The following ATXN1 variants were observed in gnomAD, a reference collection of about 807,000 sequenced individuals.
ATXN1 encodes the protein ataxin 1, also known as ataxin-1.
Under a neutral mutation model 56.4 loss-of-function variants are expected in ATXN1, and 8 were observed. That is an observed-to-expected ratio of 0.14 (90% CI 0.08 to 0.26). The LOEUF (loss-of-function observed/expected upper bound fraction) is 0.26. Ranked by LOEUF, ATXN1 falls within the 10% of genes least tolerant of loss-of-function variation. The pLI, the probability that ATXN1 is intolerant of heterozygous loss-of-function variation, is 1.00. For missense variants in ATXN1, 987 were observed against 1,106.5 expected, an observed-to-expected ratio of 0.89 and a Z score of 1.53; for synonymous variants, 514 against 494.6, an observed-to-expected ratio of 1.04 and a Z score of -0.52.
chr6:16,627,666 G>A lies in ATXN1; in HGVS notation c.-489+30110C>T, dbSNP rs1348699100. On this transcript the variant is annotated intron_variant, in intron 3 of 7. Coordinates refer to ENST00000436367, the MANE Select transcript of ATXN1 (RefSeq NM_001128164.2). ...CGCTTGAACCTGGGAGGCAGAGGCTGCAGTGAGCTGAGATCATGCCACTGC... is the reference window on the plus strand; with the variant it reads ...CGCTTGAACCTGGGAGGCAGAGGCTACAGTGAGCTGAGATCATGCCACTGC... Among the ~76,000 whole-genome samples, 4 of 152,160 alleles carry A rather than the reference G, an allele frequency of 2.6e-5. No individual in the cohort carries two copies. The East Asian group carries it at 7.7e-4, about 29-fold the overall frequency.
At chr6:16,589,288 C>T (rs1195610301) in intron 3 of ATXN1, among the ~76,000 whole-genome samples, 2 of 152,058 alleles carry the variant, frequency 1.3e-5, no homozygotes, top group African/African-American at 4.8e-5. Flanking sequence ...ACCTAAGTCC[C>T]TTAAAGGCAA....
At chr6:16,397,170 CAGTG>C (rs1758474337) in intron 6 of ATXN1, among the ~76,000 whole-genome samples, 1 of 152,188 alleles carries the variant, frequency 6.6e-6, no homozygotes, top group Non-Finnish European at 1.5e-5. Context: ...AAATTAGTCA[CAGTG>C]AGAGTATTTA....
At position 16,373,731 on chromosome 6, in the gene ATXN1, GTAAGACA is replaced by G. The variant is rs1265387723; in HGVS notation, c.-160-45268_-160-45262del. Reference sequence around the variant, plus strand: ...CTCATTTTCTCTTGCCTGCTGCCATGTAAGACATGCCTTTTGCCTTCCACCATGATTG... The same window carrying G: ...CTCATTTTCTCTTGCCTGCTGCCATGTGCCTTTTGCCTTCCACCATGATTG... On this transcript the variant is annotated intron_variant, in intron 6 of 7. Coordinates refer to ENST00000436367, the MANE Select transcript of ATXN1 (RefSeq NM_001128164.2). Among the ~76,000 whole-genome samples the G allele has an allele frequency of 6.6e-5, 10 of 152,206 alleles. 1 individual carries two copies. The highest frequency in any genetic ancestry group is 4.4e-5 in the Non-Finnish European group (3 of 68,046).
At chr6:16,702,597 G>A (rs1759310598) in intron 2 of ATXN1, among the ~76,000 whole-genome samples, 1 of 152,106 alleles carries the variant, frequency 6.6e-6, no homozygotes, top group Non-Finnish European at 1.5e-5. Context: ...CGGACAAAGG[G>A]CTAATATCCA....
At chr6:16,622,948 T>A (rs1763344100) in intron 3 of ATXN1, among the ~76,000 whole-genome samples, 1 of 152,170 alleles carries the variant, frequency 6.6e-6, no homozygotes, top group Non-Finnish European at 1.5e-5. Context: ...AAATAATCAT[T>A]CATATTTTGA....
chr6:16,725,630 C>T (rs956796641), intron 2 of ATXN1, among the ~76,000 whole-genome samples: 1 of 152,188 alleles, frequency 6.6e-6, no homozygotes, highest in Non-Finnish European at 1.5e-5. Flanking sequence ...TCAGTAAGGT[C>T]AATAATCACT....
At chr6:16,455,532 T>C (rs1759848648) in intron 6 of ATXN1, among the ~76,000 whole-genome samples, 1 of 152,148 alleles carries the variant, frequency 6.6e-6, no homozygotes, top group Admixed American at 6.5e-5. Context: ...CTAAACATAC[T>C]CTTAACATGC....
At chr6:16,586,350 A>T (rs1762624313) in intron 3 of ATXN1, among the ~76,000 whole-genome samples, 1 of 152,250 alleles carries the variant, frequency 6.6e-6, no homozygotes, top group African/African-American at 2.4e-5. Flanking sequence ...AAAATTATGC[A>T]AATTCAGTGC....
chr6:16,670,587 A>T (rs1249194930), intron 2 of ATXN1, among the ~76,000 whole-genome samples: 1 of 152,196 alleles, frequency 6.6e-6, no homozygotes, highest in Non-Finnish European at 1.5e-5. Flanking sequence ...TACTTGGCTC[A>T]TCTATATTTT....
intron 7 of ATXN1, among the ~76,000 whole-genome samples, chr6:16,325,049 A>C (rs1007691181): frequency 6.6e-6 from 1 of 151,416 alleles, no homozygotes; most frequent in African/African-American, 2.4e-5. Context: ...ATGCAAACTA[A>C]CCAGTCCAGA....
At chr6:16,387,425 C>T (rs1279606969) in intron 6 of ATXN1, among the ~76,000 whole-genome samples, 1 of 152,224 alleles carries the variant, frequency 6.6e-6, no homozygotes, top group East Asian at 1.9e-4. Flanking sequence ...CCATCAGCCA[C>T]TGAGAGGGAG....
At chr6:16,425,276 G>A (rs771422853) in intron 6 of ATXN1, among the ~76,000 whole-genome samples, 7 of 152,200 alleles carry the variant, frequency 4.6e-5, no homozygotes, top group South Asian at 2.1e-4. Flanking sequence ...ACTGTGCCAC[G>A]TTGTTTACCA....
chr6:16,526,032 G>T (rs60753753), intron 4 of ATXN1, among the ~76,000 whole-genome samples: 3 of 103,096 alleles, frequency 2.9e-5, no homozygotes, highest in African/African-American at 1.1e-4. Context: ...CATACATATA[G>T]AAATAAATCT....
intron 2 of ATXN1, among the ~76,000 whole-genome samples, chr6:16,722,032 C>T (rs554401158): frequency 2.6e-5 from 4 of 152,332 alleles, no homozygotes; most frequent in Admixed American, 2.6e-4. Flanking sequence ...CGCAAAGGGG[C>T]ACACTCAGTG....
chr6:16,369,628 T>C (rs777904431), intron 6 of ATXN1, among the ~76,000 whole-genome samples: 1 of 152,210 alleles, frequency 6.6e-6, no homozygotes, highest in Non-Finnish European at 1.5e-5. Context: ...CATTTAAAGA[T>C]GTGCAAAGGG....
intron 4 of ATXN1, among the ~76,000 whole-genome samples, chr6:16,581,705 G>T (rs1762533163): frequency 6.6e-6 from 1 of 152,102 alleles, no homozygotes; most frequent in South Asian, 2.1e-4. Context: ...TGCACAAAAG[G>T]TAGGATTAAT....
At chr6:16,715,807 C>T (rs1417467422) in intron 2 of ATXN1, among the ~76,000 whole-genome samples, 2 of 152,118 alleles carry the variant, frequency 1.3e-5, no homozygotes, top group African/African-American at 4.8e-5. Flanking sequence ...TTTGAAATGC[C>T]GTAAGTTTCC....
At chr6:16,610,133 G>T (rs996605427) in intron 3 of ATXN1, among the ~76,000 whole-genome samples, 8 of 152,136 alleles carry the variant, frequency 5.3e-5, no homozygotes, top group Non-Finnish European at 7.4e-5. Context: ...GGATACAGGA[G>T]ACAAAGTAGG....
At chr6:16,584,373 T>A (rs1762586358) in intron 4 of ATXN1, among the ~76,000 whole-genome samples, 1 of 149,840 alleles carries the variant, frequency 6.7e-6, no homozygotes, top group Non-Finnish European at 1.5e-5. Context: ...CTAATAAAAT[T>A]TTTTTATTAA....
Sources: gnomAD v4.1 joint callset for allele counts (sites outside exome capture counted in the v4.1 genomes callset) on GRCh38, gnomAD v4.1.1 for gene constraint, MANE v1.5 for transcripts, NCBI Gene and HGNC (gene_info 2026-07-23, HGNC 2026-07-21) for gene names.